The following STK33 variants were observed in gnomAD, a reference collection of about 807,000 sequenced individuals.
STK33 encodes serine/threonine kinase 33.
STK33 carries 52 observed loss-of-function variants against 58.0 expected under a neutral mutation model. The observed-to-expected ratio is 0.90, with a 90% confidence interval of 0.72 to 1.13. The LOEUF is 1.13. Ranked by LOEUF, STK33 falls within the 50% of genes most tolerant of loss-of-function variation. The pLI is 0.00. For missense variants in STK33, 630 were observed against 604.2 expected (o/e 1.04, Z -0.45); for synonymous variants, 215 against 200.1 (o/e 1.07, Z -0.63).
chr11:8,388,626 G>A (rs1160733909), downstream of STK33, among the ~76,000 whole-genome samples: 1 of 152,194 alleles, frequency 6.6e-6, no homozygotes, highest in African/African-American at 2.4e-5. Flanking sequence ...CCCAGGAGAC[G>A]TCTTGTCTTC....
At chr11:8,359,763 GC>G in the STK33 span, among the ~76,000 whole-genome samples, 2 of 152,266 alleles carry the variant, frequency 1.3e-5, no homozygotes, top group Non-Finnish European at 2.9e-5. Context: ...GAGTTCGGGG[GC>G]AAGGGCCTGA....
At chr11:8,508,569 C>A (rs1952055215) in intron 1 of STK33, among the ~76,000 whole-genome samples, 1 of 152,132 alleles carries the variant, frequency 6.6e-6, no homozygotes, top group African/African-American at 2.4e-5. Context: ...TTGTGCCTGG[C>A]CTTACCTTTT....
intron 15 of STK33, among the ~76,000 whole-genome samples, chr11:8,409,078 AG>A (rs1564881188): frequency 6.6e-6 from 1 of 152,248 alleles, no homozygotes; most frequent in Non-Finnish European, 1.5e-5. Context: ...AAATGAGCCA[AG>A]GGTCAACCTT....
chr11:8,503,011 C>T (rs1218573696), intron 1 of STK33, among the ~76,000 whole-genome samples: 2 of 152,130 alleles, frequency 1.3e-5, no homozygotes, highest in African/African-American at 4.8e-5. Context: ...AAAGGGAATG[C>T]TTATACACTG....
At chr11:8,450,825 G>A (rs1434976521) in intron 11 of STK33, among the ~76,000 whole-genome samples, 3 of 152,058 alleles carry the variant, frequency 2.0e-5, no homozygotes, top group African/African-American at 7.2e-5. Flanking sequence ...TTCTAAAATT[G>A]ATTATGTAAT....
Position 8,435,552 on chromosome 11 carries a change from TTCATAAGTTGTTTC to T in STK33, c.1074_1087del (p.Lys359SerfsTer10). 6.6e-7 allele frequency: 1 copy of T among 1,508,834 alleles called. No homozygotes were observed. Among genetic ancestry groups the T allele is most frequent in the Non-Finnish European group, 8.9e-7 (1 of 1,119,506 alleles). 93.5% of individuals were successfully genotyped at this position (1,508,834 alleles called of 1,614,324 possible). On this transcript the variant is annotated frameshift_variant, in exon 14 of 16. Transcript: ENST00000687296. LOFTEE classifies it high-confidence loss of function. ...TGTGATTCTGTGAGCAGGATCTACT[TTCATAAGTTGTTTC>T]AAAACACTTTTAGCTAAAAATAAGA...
At chr11:8,354,472 C>CCACACACACA in the STK33 span, among the ~76,000 whole-genome samples, 78 of 56,060 alleles carry the variant, frequency 1.4e-3, 1 homozygote, top group African/African-American at 4.9e-3. Flanking sequence ...GTCTGCAAAA[C>CCACACACACA]CTCACACACA....
At chr11:8,395,617 C>T (rs1170091540) in intron 15 of STK33, among the ~76,000 whole-genome samples, 1 of 152,082 alleles carries the variant, frequency 6.6e-6, no homozygotes, top group Non-Finnish European at 1.5e-5. Flanking sequence ...AAGATCATTC[C>T]ATGTCAATTC....
chr11:8,542,101 T>G (rs1262718186), intron 1 of STK33, among the ~76,000 whole-genome samples: 1 of 152,240 alleles, frequency 6.6e-6, no homozygotes, highest in Non-Finnish European at 1.5e-5. Flanking sequence ...TGTAAGAATT[T>G]GCTCATAGGT....
intron 14 of STK33, among the ~76,000 whole-genome samples, chr11:8,418,644 C>T (rs999489652): frequency 6.6e-6 from 1 of 152,084 alleles, no homozygotes; most frequent in Admixed American, 6.6e-5. Context: ...CTGTTTTTAG[C>T]TCTCTGAGGA....
intron 8 of STK33, among the ~76,000 whole-genome samples, chr11:8,458,923 C>T (rs1294344230): frequency 6.6e-6 from 1 of 152,094 alleles, no homozygotes; most frequent in Non-Finnish European, 1.5e-5. Context: ...TCCTTTCTTC[C>T]TATAGCGCAA....
At chr11:8,439,542 T>G (rs1944454416) in intron 12 of STK33, among the ~76,000 whole-genome samples, 1 of 151,384 alleles carries the variant, frequency 6.6e-6, no homozygotes, top group Non-Finnish European at 1.5e-5. Context: ...AAAGTAGGAG[T>G]AGAGAAATAG....
the STK33 span, among the ~76,000 whole-genome samples, chr11:8,362,144 C>T: frequency 2.2e-4 from 34 of 152,074 alleles, no homozygotes; most frequent in Non-Finnish European, 4.1e-4. Flanking sequence ...AAGGGAGGGC[C>T]GGGGCCCAGC....
At chr11:8,401,719 C>T (rs150258377) in intron 15 of STK33, among the ~76,000 whole-genome samples, 29,367 of 152,128 alleles carry the variant, frequency 0.19, 3,204 homozygotes, top group African/African-American at 0.29. Context: ...GCAATCTACT[C>T]ATCTGACAAA....
At chr11:8,559,587 T>C (rs1956987916) in intron 1 of STK33, among the ~76,000 whole-genome samples, 1 of 152,220 alleles carries the variant, frequency 6.6e-6, no homozygotes, top group Non-Finnish European at 1.5e-5. Flanking sequence ...CTACTTGATT[T>C]GTTTTACTAT....
chr11:8,361,517 C>T, the STK33 span, among the ~76,000 whole-genome samples: 4 of 152,106 alleles, frequency 2.6e-5, no homozygotes, highest in Admixed American at 2.6e-4. The surrounding 1 kb of genome is among the most constrained non-coding windows in gnomAD (Gnocchi z 4.8). Context: ...TCCACCGCCC[C>T]CACCAATCCC....
intron 1 of STK33, among the ~76,000 whole-genome samples, chr11:8,505,824 A>C (rs1449634838): frequency 6.6e-6 from 1 of 152,220 alleles, no homozygotes; most frequent in Non-Finnish European, 1.5e-5. Context: ...AAGGCACTGA[A>C]CTTCAACTCC....
At chr11:8,499,583 A>C (rs1011056941) in intron 1 of STK33, among the ~76,000 whole-genome samples, 2 of 152,210 alleles carry the variant, frequency 1.3e-5, no homozygotes, top group African/African-American at 2.4e-5. Flanking sequence ...ATATACCCAA[A>C]GGATTATAAA....
intron 14 of STK33, among the ~76,000 whole-genome samples, chr11:8,418,588 T>C (rs1194564041): frequency 6.6e-6 from 1 of 152,204 alleles, no homozygotes; most frequent in Non-Finnish European, 1.5e-5. Flanking sequence ...TTTATATTCC[T>C]CTGGGTATAT....
Sources: gnomAD v4.1 joint callset for allele counts (sites outside exome capture counted in the v4.1 genomes callset) on GRCh38, gnomAD v4.1.1 for gene constraint, Gnocchi (gnomAD v3.1) non-coding constraint, MANE v1.5 for transcripts, NCBI Gene and HGNC (gene_info 2026-07-23, HGNC 2026-07-21) for gene names.